Variants in RTF2 observed in about 807,000 individuals in gnomAD.
RTF2 encodes replication termination factor 2.
In RTF2, 18 loss-of-function variants were observed where a neutral mutation model predicts 38.0. The ratio of observed to expected loss-of-function variants is 0.47; its 90% confidence interval spans 0.33 to 0.70. RTF2 has a LOEUF of 0.70. RTF2 is among the 30% of genes least tolerant of loss of function. The pLI, the probability that RTF2 is intolerant of heterozygous loss-of-function variation, is 0.02. For synonymous variants in RTF2, 126 were observed against 137.1 expected (o/e 0.92, Z 0.57); for missense variants, 311 against 379.6 (o/e 0.82, Z 1.50).
chr20:56,518,412 C>T lies in RTF2; in HGVS notation c.*147C>T, dbSNP rs1245138129. The T allele has an allele frequency of 1.4e-5, 11 of 775,800 alleles. No homozygotes were observed. The East Asian group carries it at 2.8e-4, about 20-fold the overall frequency. The allele number at this position is 775,800 out of a possible 1,614,324, so 48.1% of individuals were successfully genotyped here. On this transcript the variant is annotated 3_prime_UTR_variant, in exon 9 of 9. Transcript: ENST00000357348. Reference sequence around the variant, plus strand: ...CTGGCCAGCCTTCAAGCTGGTGTGGCCACTCTTGATGTGAGGCGTGTCGGT... The same window carrying T: ...CTGGCCAGCCTTCAAGCTGGTGTGGTCACTCTTGATGTGAGGCGTGTCGGT...
chr20:56,477,206 C>T, intron 4 of RTF2, 82 bp downstream of exon 4: 1 of 1,529,624 alleles, frequency 6.5e-7, no homozygotes. Context: ...CGGAGCTTAG[C>T]AGTCATGTGG....
chr20:56,514,289 A>G (rs890204419), intron 6 of RTF2: 1 of 151,930 alleles, frequency 6.6e-6, no homozygotes, highest in African/African-American at 2.4e-5. Context: ...AATGTTGTTC[A>G]TGTTTACAGA....
intron 5 of RTF2, among the ~76,000 whole-genome samples, chr20:56,505,358 C>T (rs1048354813): frequency 2.8e-4 from 43 of 151,830 alleles, no homozygotes; most frequent in African/African-American, 6.8e-4. Context: ...TATGGTGGTG[C>T]GCACCTGTAG....
chr20:56,496,524 G>A (rs767662504), intron 5 of RTF2: 223 of 1,204,026 alleles, frequency 1.9e-4, no homozygotes, highest in Non-Finnish European at 2.3e-4. Context: ...CTCCAGCCTC[G>A]GTGACCGTGT....
At chr20:56,471,987 G>T (rs1981996253) in intron 1 of RTF2, among the ~76,000 whole-genome samples, 1 of 151,778 alleles carries the variant, frequency 6.6e-6, no homozygotes. Flanking sequence ...CCCTTTGGGA[G>T]ATCGAGGCAG....
rs184683537 is a variant in RTF2, at chr20:56,516,853, A to C, written c.592-82A>C. 5.7e-3 allele frequency: 5,832 copies of C among 1,021,632 alleles called. 12 individuals carry two copies. Among genetic ancestry groups the C allele is most frequent in the African/African-American group, 0.017 (1,047 of 63,298 alleles). The allele number at this position is 1,021,632 out of a possible 1,614,324, so 63.3% of individuals were successfully genotyped here. A position where few individuals can be genotyped will look rare whatever the true frequency, so the allele number is the denominator to read the frequency against. On this transcript the variant is annotated intron_variant, in intron 6 of 8. Coordinates refer to ENST00000357348, the MANE Select transcript of RTF2 (RefSeq NM_016407.5). ...CTAGCATCGGTCAGTCAGACAGGGCACCCGGGACAATGGGCAGCCACACTG... is the reference window on the plus strand; with the variant it reads ...CTAGCATCGGTCAGTCAGACAGGGCCCCCGGGACAATGGGCAGCCACACTG...
At chr20:56,485,487 C>T (rs1018345116) in intron 5 of RTF2, among the ~76,000 whole-genome samples, 4 of 152,040 alleles carry the variant, frequency 2.6e-5, no homozygotes, top group African/African-American at 7.3e-5. Flanking sequence ...AGCTGTAAGC[C>T]GGATGGGATG....
intron 6 of RTF2, 180 bp from the exon 7 acceptor site, chr20:56,516,755 T>C (rs1985064401): frequency 1.1e-5 from 7 of 651,502 alleles, no homozygotes; most frequent in Non-Finnish European, 1.9e-5. Flanking sequence ...TGGTGTCACA[T>C]GCAGAGGGTG....
At chr20:56,484,024 G>T in intron 4 of RTF2, 87 bp from the exon 5 acceptor site, 2 of 1,069,404 alleles carry the variant, frequency 1.9e-6, no homozygotes, top group Non-Finnish European at 2.8e-6. Context: ...TTTAATCTTT[G>T]TGGTTCTTGG....
chr20:56,507,029 AT>A, intron 5 of RTF2, among the ~76,000 whole-genome samples: 1 of 152,184 alleles, frequency 6.6e-6, no homozygotes, highest in Non-Finnish European at 1.5e-5. Context: ...CATTTCACCC[AT>A]TCTTTGGACA....
chr20:56,504,519 A>C (rs1196699822), intron 5 of RTF2, among the ~76,000 whole-genome samples: 1 of 152,230 alleles, frequency 6.6e-6, no homozygotes, highest in Non-Finnish European at 1.5e-5. Context: ...ATTCAAAAAA[A>C]TCCAGACATT....
chr20:56,476,326 A>T lies in RTF2; in HGVS notation c.259-659A>T, dbSNP rs1013849055. Among the ~76,000 whole-genome samples, 13 of 152,282 alleles carry T rather than the reference A, an allele frequency of 8.5e-5. No individual in the cohort carries two copies. In the East Asian group the frequency reaches 2.5e-3, roughly 29 times the overall value. ...GTAACATGAAGCAGCCTCAGAGAGG[A>T]TTCATCACAGGGAGAAAGCATTCCC... On this transcript the variant is annotated intron_variant, in intron 3 of 8. Transcript: ENST00000357348.
chr20:56,474,192 A>C (rs569336735), intron 2 of RTF2, among the ~76,000 whole-genome samples: 1 of 152,286 alleles, frequency 6.6e-6, no homozygotes, highest in Non-Finnish European at 1.5e-5. Flanking sequence ...GATTTAAACT[A>C]ATTTCTGGCT....
intron 4 of RTF2, among the ~76,000 whole-genome samples, chr20:56,479,447 A>G (rs1341345313): frequency 6.6e-6 from 1 of 151,454 alleles, no homozygotes; most frequent in Non-Finnish European, 1.5e-5. Flanking sequence ...CTGGTCTCAA[A>G]CTCCTGACCT....
At chr20:56,484,656 C>T (rs193149521) in intron 5 of RTF2, among the ~76,000 whole-genome samples, 1 of 152,350 alleles carries the variant, frequency 6.6e-6, no homozygotes, top group Admixed American at 6.5e-5. Flanking sequence ...TCTTTATCCG[C>T]AGGGCATATT....
chr20:56,479,996 T>C (rs1414377025), intron 4 of RTF2, among the ~76,000 whole-genome samples: 1 of 152,116 alleles, frequency 6.6e-6, no homozygotes, highest in Non-Finnish European at 1.5e-5. Context: ...TAAATGAACA[T>C]TGGCCCAACT....
intron 3 of RTF2, among the ~76,000 whole-genome samples, chr20:56,475,917 C>T (rs979143385): frequency 2.6e-5 from 4 of 152,052 alleles, no homozygotes; most frequent in Non-Finnish European, 5.9e-5. Flanking sequence ...TTGTCATTAC[C>T]GTCAATTGAT....
chr20:56,490,889 G>A (rs867154440), intron 5 of RTF2, among the ~76,000 whole-genome samples: 1 of 152,226 alleles, frequency 6.6e-6, no homozygotes, highest in South Asian at 2.1e-4. Flanking sequence ...TTTTGTAGTC[G>A]CTCCAGCCAT....
chr20:56,468,939 G>T (rs954265513), intron 1 of RTF2, among the ~76,000 whole-genome samples, 173 bp downstream of exon 1: 3 of 152,152 alleles, frequency 2.0e-5, no homozygotes, highest in African/African-American at 7.2e-5. Flanking sequence ...ACATTCAATG[G>T]GTGCTGACTA....
Sources: gnomAD v4.1 joint callset for allele counts (sites outside exome capture counted in the v4.1 genomes callset) on GRCh38, gnomAD v4.1.1 for gene constraint, MANE v1.5 for transcripts, NCBI Gene and HGNC (gene_info 2026-07-23, HGNC 2026-07-21) for gene names.